The following BACH2 variants were observed in gnomAD, a reference collection of about 807,000 sequenced individuals.
BACH2 encodes transcription regulator protein BACH2.
A neutral mutation model predicts 61.8 loss-of-function variants in BACH2; 5 were observed. The observed-to-expected ratio is 0.08, with a 90% CI of 0.04 to 0.17. The LOEUF is 0.17. Among genes scored for constraint, BACH2 ranks in the 10% least tolerant of loss-of-function variants. BACH2 has a pLI of 1.00. For missense variants in BACH2, 824 were observed against 1,091.1 expected (o/e 0.76, Z 3.45); for synonymous variants, 446 against 440.1 (o/e 1.01, Z -0.17).
At chr6:90,295,780 T>C (rs1582577807) in intron 1 of BACH2, among the ~76,000 whole-genome samples, 2 of 152,128 alleles carry the variant, frequency 1.3e-5, no homozygotes. Flanking sequence ...GCGGGACGCT[T>C]TCCGACAACC....
At chr6:90,057,978 T>C (rs1346934497) in intron 5 of BACH2, among the ~76,000 whole-genome samples, 3 of 152,168 alleles carry the variant, frequency 2.0e-5, no homozygotes, top group Non-Finnish European at 1.5e-5. Flanking sequence ...TATCTCAAAA[T>C]AATAAGAGCT....
At chr6:90,033,521 A>T (rs1013652642) in intron 5 of BACH2, among the ~76,000 whole-genome samples, 1 of 152,206 alleles carries the variant, frequency 6.6e-6, no homozygotes, top group African/African-American at 2.4e-5. Context: ...CAACCAATGT[A>T]AAAACAAACC....
chr6:90,043,658 C>T (rs79815784), intron 5 of BACH2, among the ~76,000 whole-genome samples: 2,184 of 152,338 alleles, frequency 0.014, 65 homozygotes, highest in East Asian at 0.14. Context: ...GTGTCACTGA[C>T]CTTTGTCCTA....
At chr6:90,063,356 G>C (rs1277300069) in intron 5 of BACH2, among the ~76,000 whole-genome samples, 1 of 152,160 alleles carries the variant, frequency 6.6e-6, no homozygotes, top group Non-Finnish European at 1.5e-5. Context: ...TTTTTCCTAA[G>C]AAGCATGAAA....
chr6:90,192,916 T>C (rs977620568), intron 4 of BACH2, among the ~76,000 whole-genome samples: 1 of 152,226 alleles, frequency 6.6e-6, no homozygotes, highest in Non-Finnish European at 1.5e-5. Context: ...GAGAGCTCTC[T>C]GGACAGGTGT....
chr6:90,106,292 T>G lies in BACH2; in HGVS notation c.-161-17183A>C, dbSNP rs561961269. On this transcript the variant is annotated intron_variant, in intron 4 of 8. Transcript: ENST00000257749. ...ATGAAAAGCAAACTTACACTTTCCA[T>G]GAAGTAAATAAAGTAATGTGCTGAA... 7.2e-5 allele frequency among the ~76,000 whole-genome samples: 11 copies of G among 152,348 alleles called. 1 individual carries two copies. In the South Asian group the frequency reaches 1.9e-3, roughly 26 times the overall value.
At chr6:90,094,131 G>A (rs1252141734) in intron 4 of BACH2, among the ~76,000 whole-genome samples, 1 of 152,168 alleles carries the variant, frequency 6.6e-6, no homozygotes, top group Non-Finnish European at 1.5e-5. Context: ...AAAGTAAATG[G>A]TATTCAATTA....
chr6:90,128,687 T>G (rs922760007), intron 4 of BACH2, among the ~76,000 whole-genome samples: 16 of 152,174 alleles, frequency 1.1e-4, no homozygotes, highest in Non-Finnish European at 1.0e-4. Context: ...AGAAATACCA[T>G]TTGACCCAGC....
At chr6:90,187,017 T>A (rs900081479) in intron 4 of BACH2, among the ~76,000 whole-genome samples, 1 of 152,248 alleles carries the variant, frequency 6.6e-6, no homozygotes, top group Admixed American at 6.5e-5. Context: ...TTTGAGTCTG[T>A]TGCATATACA....
chr6:90,074,040 G>A (rs995085713), intron 5 of BACH2, among the ~76,000 whole-genome samples: 1 of 152,180 alleles, frequency 6.6e-6, no homozygotes, highest in Non-Finnish European at 1.5e-5. Context: ...AAATTATAGT[G>A]CATGCACTTT....
rs2236182 is a variant in BACH2 at position 89,951,035 on chromosome 6, G to A, written c.1071C>T (p.Pro357=). 31,340 of 1,607,872 alleles carry A rather than the reference G, an allele frequency of 0.019. 2,599 individuals are homozygous for A. The East Asian group carries it at 0.28, about 15-fold the overall frequency. Residue 357 remains proline, a synonymous_variant, in exon 7 of 9, where the codon CCC becomes CCT. Coordinates refer to ENST00000257749, the MANE Select transcript of BACH2 (RefSeq NM_021813.4). The surrounding 1 kb of genome is among the most constrained non-coding windows in gnomAD (Gnocchi z 6.4). ...ITKSVELSGL[P]STSQQHFARS... ...TGGCAAAGTGCTGCTGAGATGTACT[G>A]GGCAGGCCAGACAGCTCCACACTTT... is the stretch of plus-strand genomic sequence containing the variant.
chr6:89,981,278 C>T (rs1424360955), intron 6 of BACH2, among the ~76,000 whole-genome samples: 2 of 151,834 alleles, frequency 1.3e-5, no homozygotes, highest in African/African-American at 2.4e-5. Context: ...ACTACAGGTG[C>T]CCGCCACCAT....
intron 3 of BACH2, among the ~76,000 whole-genome samples, chr6:90,232,457 TTAA>T (rs1770129612): frequency 6.6e-6 from 1 of 152,154 alleles, no homozygotes. Context: ...AGCAGAAATG[TTAA>T]TAAGAAAAGA....
chr6:90,141,610 CAAT>C (rs778713432), intron 4 of BACH2, among the ~76,000 whole-genome samples: 11 of 150,476 alleles, frequency 7.3e-5, no homozygotes, highest in Non-Finnish European at 1.2e-4. Context: ...AACAAAACAA[CAAT>C]AACAAAGACA....
At chr6:90,285,583 T>G (rs921745855) in intron 1 of BACH2, among the ~76,000 whole-genome samples, 1 of 152,228 alleles carries the variant, frequency 6.6e-6, no homozygotes, top group Non-Finnish European at 1.5e-5. Flanking sequence ...AGAAATGCTA[T>G]GAATCTTTAT....
At chr6:90,246,876 A>C (rs1373512022) in intron 3 of BACH2, among the ~76,000 whole-genome samples, 1 of 152,178 alleles carries the variant, frequency 6.6e-6, no homozygotes, top group Non-Finnish European at 1.5e-5. Context: ...CTTTACACTA[A>C]AATTGTTAGG....
At chr6:90,286,993 AGT>A (rs890988610) in intron 1 of BACH2, among the ~76,000 whole-genome samples, 5 of 152,178 alleles carry the variant, frequency 3.3e-5, no homozygotes, top group African/African-American at 1.2e-4. Context: ...CCCGCTAGAC[AGT>A]GTGTTCCCAG....
intron 2 of BACH2, among the ~76,000 whole-genome samples, chr6:90,261,346 ACTTG>A (rs1771150950): frequency 1.3e-5 from 2 of 152,142 alleles, no homozygotes; most frequent in South Asian, 2.1e-4. Context: ...CAGGATGTAA[ACTTG>A]CTTGAGATTT....
chr6:90,135,606 C>G lies in BACH2; in HGVS notation c.-161-46497G>C, dbSNP rs563558069. Among the ~76,000 whole-genome samples the G allele has an allele frequency of 1.2e-4, 19 of 152,220 alleles. No homozygotes were observed. In the South Asian group the frequency reaches 3.5e-3, roughly 28 times the overall value. On this transcript the variant is annotated intron_variant, in intron 4 of 8. Coordinates refer to ENST00000257749, the MANE Select transcript of BACH2 (RefSeq NM_021813.4). ...TGGTACACGCCTGTGGTCTCAGATA[C>G]TCGAGAGCTGAGTAGGAGGACTGCT...
Sources: gnomAD v4.1 joint callset for allele counts (sites outside exome capture counted in the v4.1 genomes callset) on GRCh38, gnomAD v4.1.1 for gene constraint, Gnocchi (gnomAD v3.1) non-coding constraint, MANE v1.5 for transcripts, NCBI Gene and HGNC (gene_info 2026-07-23, HGNC 2026-07-21) for gene names.